TMEM132D: variants seen among roughly 807,000 people sequenced by gnomAD.
The protein encoded by TMEM132D is transmembrane protein 132D, also known as mature OL transmembrane protein.
TMEM132D carries 21 observed loss-of-function variants against 62.3 expected under a neutral mutation model. The ratio of observed to expected loss-of-function variants is 0.34; its 90% CI spans 0.24 to 0.49. The LOEUF is 0.49. Among genes scored for constraint, TMEM132D ranks in the 20% least tolerant of loss-of-function variants. The pLI, the probability that TMEM132D is intolerant of heterozygous loss-of-function variation, is 0.99. For missense variants in TMEM132D, 1,346 were observed against 1,402.8 expected (o/e 0.96, Z 0.65); for synonymous variants, 621 against 575.6 (o/e 1.08, Z -1.13).
chr12:129,683,467 C>T (rs1880834914), intron 2 of TMEM132D, among the ~76,000 whole-genome samples: 1 of 152,220 alleles, frequency 6.6e-6, no homozygotes, highest in Non-Finnish European at 1.5e-5. Flanking sequence ...ATCATTATTG[C>T]ATTGAGCAAT....
chr12:129,565,780 G>T (rs1877351451), intron 2 of TMEM132D, among the ~76,000 whole-genome samples: 1 of 152,148 alleles, frequency 6.6e-6, no homozygotes, highest in Non-Finnish European at 1.5e-5. Context: ...TAAACCTTTT[G>T]CTTGGTTTAC....
intron 2 of TMEM132D, among the ~76,000 whole-genome samples, chr12:129,641,375 C>T (rs1879636179): frequency 6.6e-6 from 1 of 152,162 alleles, no homozygotes; most frequent in Admixed American, 6.5e-5. Context: ...AGCAACCACC[C>T]TGTCTATTTC....
In TMEM132D at chr12:129,903,253, G is replaced by A. The variant is rs767239075; in HGVS notation, c.79+8C>T. ...GTCCCCGGGCCCTGGCGGCCGCGGCGTCCTCACCTTTGGAAAACAGGGCGG... is the reference window on the plus strand; with the variant it reads ...GTCCCCGGGCCCTGGCGGCCGCGGCATCCTCACCTTTGGAAAACAGGGCGG... On this transcript the variant is annotated splice_region_variant and intron_variant, in intron 1 of 8. Coordinates refer to ENST00000422113, the MANE Select transcript of TMEM132D (RefSeq NM_133448.3). The surrounding 1 kb of genome is among the most constrained non-coding windows in gnomAD (Gnocchi z 6.2). 3 of 1,552,048 alleles carry A rather than the reference G, an allele frequency of 1.9e-6. No homozygotes were observed. The South Asian group carries it at 3.6e-5, about 18-fold the overall frequency.
rs184022194 is a variant in TMEM132D, at chr12:129,404,475, G to C, written c.1116-66658C>G. On this transcript the variant is annotated intron_variant, in intron 3 of 8. Transcript: ENST00000422113. ...GCCTCCCAAAGTGCTGGGATTACAG[G>C]CGTGAGCCACCATGCCCGGCCAAGA... is the stretch of plus-strand genomic sequence containing the variant. 1.8e-3 allele frequency among the ~76,000 whole-genome samples: 281 copies of C among 152,340 alleles called. 1 individual carries two copies. The highest frequency in any genetic ancestry group is 6.5e-3 in the African/African-American group (271 of 41,586).
rs77224352 is a variant in TMEM132D at position 129,457,916 on chromosome 12, G to A, written c.1115+73143C>T. Among the ~76,000 whole-genome samples the A allele has an allele frequency of 0.022, 3,298 of 152,220 alleles. 305 individuals are homozygous for A. In the East Asian group the frequency reaches 0.3, roughly 14 times the overall value. On this transcript the variant is annotated intron_variant, in intron 3 of 8. Transcript: ENST00000422113. ...TGACATGAGATTGGGGTGGGGACAC[G>A]GATCCAAACCATATCAGGCATGGAT...
At chr12:129,212,246 C>A (rs920833693) in intron 4 of TMEM132D, 2 of 152,102 alleles carry the variant, frequency 1.3e-5, no homozygotes, top group African/African-American at 4.8e-5. Context: ...AGCTGTAAGC[C>A]CATATGTCTG....
intron 2 of TMEM132D, among the ~76,000 whole-genome samples, chr12:129,605,538 G>C (rs1878592286): frequency 6.8e-6 from 1 of 147,050 alleles, no homozygotes; most frequent in African/African-American, 2.5e-5. Context: ...CCCTTGGAAT[G>C]ATCTTATGCC....
chr12:129,170,974 C>A lies in TMEM132D; in HGVS notation c.1443+38546G>T, dbSNP rs113098114. Among the ~76,000 whole-genome samples the A allele has an allele frequency of 3.5e-3, 533 of 152,222 alleles. 3 individuals are homozygous for A. Among genetic ancestry groups the A allele is most frequent in the African/African-American group, 0.012 (483 of 41,550 alleles). The stretch of plus-strand genomic sequence containing the variant: ...GCTGTGGCAAGGACTGAAAATAAGA[C>A]AACAATGAGGTTTGCTGCATTGATC... On this transcript the variant is annotated intron_variant, in intron 5 of 8. Coordinates refer to ENST00000422113, the MANE Select transcript of TMEM132D (RefSeq NM_133448.3).
chr12:129,461,064 C>T (rs939310415), intron 3 of TMEM132D, among the ~76,000 whole-genome samples: 4 of 152,068 alleles, frequency 2.6e-5, no homozygotes, highest in Non-Finnish European at 2.9e-5. Flanking sequence ...AGAATAATGG[C>T]GGAGCTGGAA....
At chr12:129,563,214 G>T (rs1593067274) in intron 2 of TMEM132D, among the ~76,000 whole-genome samples, 1 of 152,142 alleles carries the variant, frequency 6.6e-6, no homozygotes, top group South Asian at 2.1e-4. Context: ...ACTCTCCAAA[G>T]TAATGTTTAA....
At chr12:129,599,400 T>C (rs964396261) in intron 2 of TMEM132D, among the ~76,000 whole-genome samples, 2 of 152,232 alleles carry the variant, frequency 1.3e-5, no homozygotes, top group Admixed American at 6.5e-5. Flanking sequence ...CACCAGCCAC[T>C]ATCTATTCTG....
At chr12:129,098,264 G>A (rs977888251) in intron 5 of TMEM132D, among the ~76,000 whole-genome samples, 3 of 152,216 alleles carry the variant, frequency 2.0e-5, no homozygotes, top group South Asian at 2.1e-4. Context: ...CCAACTGATC[G>A]TTGACAAAGG....
intron 1 of TMEM132D, among the ~76,000 whole-genome samples, chr12:129,725,020 G>A (rs1329347659): frequency 6.6e-6 from 1 of 152,120 alleles, no homozygotes. Flanking sequence ...AGAGCCCCTG[G>A]GCTACCCTCT....
At chr12:129,596,707 T>C (rs1878346822) in intron 2 of TMEM132D, among the ~76,000 whole-genome samples, 1 of 152,210 alleles carries the variant, frequency 6.6e-6, no homozygotes. Context: ...GAATTACTTC[T>C]TCTATTTCCC....
chr12:129,395,996 A>G (rs995152320), intron 3 of TMEM132D, among the ~76,000 whole-genome samples: 6 of 147,366 alleles, frequency 4.1e-5, no homozygotes, highest in Non-Finnish European at 8.9e-5. Context: ...TATATAAAGT[A>G]TATAATATAC....
At chr12:129,155,527 G>A (rs1299551779) in intron 5 of TMEM132D, among the ~76,000 whole-genome samples, 1 of 152,144 alleles carries the variant, frequency 6.6e-6, no homozygotes, top group Non-Finnish European at 1.5e-5. Flanking sequence ...TGCTATAACT[G>A]AAGGCTACAG....
chr12:129,383,174 A>C (rs1055916217), intron 3 of TMEM132D, among the ~76,000 whole-genome samples: 13 of 152,198 alleles, frequency 8.5e-5, no homozygotes, highest in African/African-American at 3.1e-4. Context: ...TCAACGGAAG[A>C]TGTGCTGCCT....
chr12:129,184,701 GTTCCTGTCTC>G (rs1173512434), intron 5 of TMEM132D, among the ~76,000 whole-genome samples: 1 of 152,222 alleles, frequency 6.6e-6, no homozygotes, highest in Non-Finnish European at 1.5e-5. Context: ...TTTGTTCGGT[GTTCCTGTCTC>G]TTCCCGGTTG....
chr12:129,795,543 GC>G (rs1871537986), intron 1 of TMEM132D, among the ~76,000 whole-genome samples: 3 of 152,220 alleles, frequency 2.0e-5, no homozygotes, highest in Admixed American at 2.0e-4. Context: ...AAATCCTGGG[GC>G]CAACGATAGG....
Sources: allele counts gnomAD v4.1 joint callset (sites outside exome capture counted in the v4.1 genomes callset), GRCh38; gene constraint gnomAD v4.1.1; non-coding constraint Gnocchi (gnomAD v3.1); transcripts MANE v1.5; gene names NCBI Gene and HGNC (gene_info 2026-07-23, HGNC 2026-07-21).